The following DOCK4 variants were observed in gnomAD, a reference collection of about 807,000 sequenced individuals.
DOCK4 encodes the protein dedicator of cytokinesis 4, also known as dedicator of cytokinesis protein 4.
In DOCK4, 97 loss-of-function variants were observed where a neutral mutation model predicts 268.1. The ratio of observed to expected loss-of-function variants is 0.36; its 90% CI spans 0.31 to 0.43. DOCK4 has a LOEUF of 0.43. Among genes scored for constraint, DOCK4 ranks in the 20% least tolerant of loss-of-function variants. The pLI, the probability that DOCK4 is intolerant of heterozygous loss-of-function variation, is 1.00. For missense variants in DOCK4, 2,145 were observed against 2,455.7 expected, an observed-to-expected ratio of 0.87 and a Z score of 2.67; for synonymous variants, 954 against 887.2, an observed-to-expected ratio of 1.08 and a Z score of -1.34.
intron 1 of DOCK4, among the ~76,000 whole-genome samples, chr7:112,070,801 G>T (rs1213602568): frequency 6.6e-6 from 1 of 152,150 alleles, no homozygotes; most frequent in African/African-American, 2.4e-5. Context: ...AAAGTCTTAG[G>T]CACACTGGCC....
Position 111,915,869 on chromosome 7 carries a change from T to C in DOCK4, c.1102A>G (p.Ile368Val). 1.2e-6 allele frequency: 2 copies of C among 1,612,586 alleles called. No homozygotes were observed. The highest frequency in any genetic ancestry group is 1.1e-5 in the South Asian group (1 of 90,648). Reference protein sequence around the residue: ...AVSLQLLHGDIEQIRREYSSV... With the variant: ...AVSLQLLHGDVEQIRREYSSV... ...GAATATTCCCTTCTGATTTGTTCAA[T>C]GTCTCCGTGCAATAGCTGTAAGGAA... Residue 368 changes from isoleucine to valine, a missense_variant, in exon 13 of 53, where the codon ATT becomes GTT. Transcript: ENST00000428084.
At chr7:111,802,009 T>C (rs1800334171) in intron 30 of DOCK4, among the ~76,000 whole-genome samples, 1 of 152,022 alleles carries the variant, frequency 6.6e-6, no homozygotes, top group South Asian at 2.1e-4. Context: ...CCAGAATAAA[T>C]ACTTTCAAGA....
intron 1 of DOCK4, among the ~76,000 whole-genome samples, chr7:112,005,252 C>T (rs749835049): frequency 1.3e-5 from 2 of 152,066 alleles, no homozygotes; most frequent in African/African-American, 2.4e-5. Flanking sequence ...TTTTAAAAAC[C>T]TAAAGGAACA....
chr7:111,728,844 G>A (rs1170055138), intron 52 of DOCK4, 124 bp from the exon 53 acceptor site: 7 of 869,560 alleles, frequency 8.1e-6, no homozygotes, highest in Non-Finnish European at 1.2e-5. Context: ...GCTGCAGCAG[G>A]AGATGCAGCC....
At chr7:111,981,702 C>T (rs746964918) in intron 7 of DOCK4, among the ~76,000 whole-genome samples, 2 of 152,136 alleles carry the variant, frequency 1.3e-5, no homozygotes, top group African/African-American at 4.8e-5. Flanking sequence ...ATCACATTTT[C>T]TTTTCTTCAT....
intron 25 of DOCK4, among the ~76,000 whole-genome samples, chr7:111,838,960 A>G (rs1052241454): frequency 2.0e-5 from 3 of 152,232 alleles, no homozygotes; most frequent in African/African-American, 7.2e-5. Flanking sequence ...TGACTATGCT[A>G]TTGAGTTCAT....
At chr7:111,852,926 A>G (rs1216205956) in intron 23 of DOCK4, among the ~76,000 whole-genome samples, 1 of 152,248 alleles carries the variant, frequency 6.6e-6, no homozygotes, top group Non-Finnish European at 1.5e-5. Context: ...CTTTCCATGC[A>G]TTTAACAACA....
intron 1 of DOCK4, among the ~76,000 whole-genome samples, chr7:112,176,467 C>T (rs975603675): frequency 6.6e-6 from 1 of 152,188 alleles, no homozygotes; most frequent in African/African-American, 2.4e-5. Flanking sequence ...TGTAATGCAG[C>T]TGTTGTCTGT....
chr7:111,794,803 A>T (rs1799777583), intron 30 of DOCK4, among the ~76,000 whole-genome samples: 1 of 152,232 alleles, frequency 6.6e-6, no homozygotes. Flanking sequence ...AGCTGGCTCT[A>T]CAATGAATTC....
intron 1 of DOCK4, among the ~76,000 whole-genome samples, chr7:112,165,417 CTG>C (rs921958239): frequency 1.3e-5 from 2 of 151,942 alleles, no homozygotes; most frequent in Non-Finnish European, 2.9e-5. Flanking sequence ...CATGCGGAAT[CTG>C]TCTTTCTGTG....
At chr7:111,992,881 A>G (rs1799646623) in intron 5 of DOCK4, among the ~76,000 whole-genome samples, 2 of 152,308 alleles carry the variant, frequency 1.3e-5, no homozygotes, top group South Asian at 4.1e-4. Flanking sequence ...AAGTGAAATA[A>G]TACTTGGATT....
chr7:112,111,906 T>C (rs964988737), intron 1 of DOCK4, among the ~76,000 whole-genome samples: 3 of 152,220 alleles, frequency 2.0e-5, no homozygotes, highest in African/African-American at 7.2e-5. Flanking sequence ...GATGAAGACT[T>C]TTCCACACCC....
At chr7:111,832,094 C>T (rs906168333) in intron 26 of DOCK4, among the ~76,000 whole-genome samples, 1 of 152,108 alleles carries the variant, frequency 6.6e-6, no homozygotes, top group African/African-American at 2.4e-5. Context: ...AACAAATAAA[C>T]AAAAATATTC....
At position 111,736,997 on chromosome 7, in the gene DOCK4, G is replaced by A. The variant is rs535465340; in HGVS notation, c.5233-8C>T. The A allele has an allele frequency of 3.3e-5, 52 of 1,598,884 alleles. No homozygotes were observed. Among genetic ancestry groups the A allele is most frequent in the African/African-American group, 4.0e-5 (3 of 74,770 alleles). On this transcript the variant is annotated splice_region_variant and splice_polypyrimidine_tract_variant and intron_variant, in intron 49 of 52. Transcript: ENST00000428084. ...ATGATTAAACAGCATCCTCTGCAAA[G>A]TTACAAGGGTTGATTTTTATGATGT...
rs1798581597 is a variant in DOCK4 at position 111,778,346 on chromosome 7, G to T, written c.3609C>A (p.Asn1203Lys). ...TGTAGCGTATATACATCTCCTCCTT[G>T]TTCAGTTCAGTCTTATAGAAGTTCT... ...SLLNFYKTELNKEEMYIRYIH... is the reference protein window; with the variant it reads ...SLLNFYKTELKKEEMYIRYIH... Residue 1203 changes from asparagine (N) to lysine (K), a missense_variant, in exon 36 of 53, where the codon AAC becomes AAA. Asn to Lys is a moderately conservative substitution (Grantham distance 94, BLOSUM62 0). This residue lies in a region of DOCK4 where 1,598 missense variants were observed against 1,986.7 expected (regional missense o/e 0.80). Coordinates refer to ENST00000428084, the MANE Select transcript of DOCK4 (RefSeq NM_001363540.2). The T allele has an allele frequency of 6.2e-7, 1 of 1,611,432 alleles. No individual in the cohort carries two copies. The highest frequency in any genetic ancestry group is 8.5e-7 in the Non-Finnish European group (1 of 1,177,952).
At chr7:111,777,703 A>C (rs1033094569) in intron 36 of DOCK4, among the ~76,000 whole-genome samples, 3 of 152,122 alleles carry the variant, frequency 2.0e-5, no homozygotes, top group African/African-American at 7.2e-5. Context: ...GGGAGGGACA[A>C]GGTGGGAGGT....
intron 1 of DOCK4, among the ~76,000 whole-genome samples, chr7:112,140,721 T>C (rs1814836895): frequency 6.6e-6 from 1 of 151,752 alleles, no homozygotes; most frequent in South Asian, 2.1e-4. Context: ...CCTTTCAGCC[T>C]CTTTATAGCA....
chr7:112,152,945 T>C (rs1260818070), intron 1 of DOCK4, among the ~76,000 whole-genome samples: 1 of 152,182 alleles, frequency 6.6e-6, no homozygotes, highest in Non-Finnish European at 1.5e-5. Flanking sequence ...TTTAAACATA[T>C]TTTTGTGTTT....
intron 6 of DOCK4, among the ~76,000 whole-genome samples, chr7:111,985,163 C>G (rs1255599677): frequency 5.3e-5 from 8 of 152,102 alleles, no homozygotes; most frequent in Admixed American, 5.2e-4. Context: ...AGCGACCTTC[C>G]TAGCATGATC....
Sources: gnomAD v4.1 joint callset for allele counts (sites outside exome capture counted in the v4.1 genomes callset) on GRCh38, gnomAD v4.1.1 for gene constraint, gnomAD v4.1.1 regional missense constraint, MANE v1.5 for transcripts, NCBI Gene and HGNC (gene_info 2026-07-23, HGNC 2026-07-21) for gene names.